The following IL1R1 variants were observed in gnomAD, a reference collection of about 807,000 sequenced individuals.
IL1R1 encodes interleukin 1 receptor type 1.
IL1R1 carries 22 observed loss-of-function variants against 50.2 expected under a neutral mutation model. That is an observed-to-expected ratio of 0.44 (90% CI 0.31 to 0.63). The LOEUF (loss-of-function observed/expected upper bound fraction) is 0.63. IL1R1 is among the 20% of genes least tolerant of loss of function. The pLI is 0.07. For synonymous variants in IL1R1, 251 were observed against 236.7 expected (o/e 1.06, Z -0.55); for missense variants, 509 against 676.2 (o/e 0.75, Z 2.74).
chr2:102,159,545 C>A (rs1239216545), intron 3 of IL1R1, among the ~76,000 whole-genome samples: 1 of 152,204 alleles, frequency 6.6e-6, no homozygotes, highest in Non-Finnish European at 1.5e-5. Flanking sequence ...TGTGTCAGAG[C>A]TTTTCAAAGC....
In IL1R1 at chr2:102,172,300, C is replaced by T. The variant is rs3917305; in HGVS notation, c.839+382C>T. On this transcript the variant is annotated intron_variant, in intron 8 of 11. Coordinates refer to ENST00000410023, the MANE Select transcript of IL1R1 (RefSeq NM_000877.4). ...AAGCCTCTACTGGTTTCCTACTGCTCATCTATGGGACAAGGATCTCCTGGC... is the reference window on the plus strand; with the variant it reads ...AAGCCTCTACTGGTTTCCTACTGCTTATCTATGGGACAAGGATCTCCTGGC... 1.3e-3 allele frequency: 1,255 copies of T among 985,278 alleles called. 16 individuals are homozygous for T. The African/African-American group carries it at 0.021, about 16-fold the overall frequency. The allele number at this position is 985,278 out of a possible 1,614,324, so 61.0% of individuals were successfully genotyped here.
At chr2:102,096,525 A>C (rs942448046) in intron 1 of IL1R1, among the ~76,000 whole-genome samples, 5 of 151,846 alleles carry the variant, frequency 3.3e-5, no homozygotes, top group Admixed American at 6.6e-5. Flanking sequence ...ATTCTGTAAA[A>C]TGCCTGTTTT....
intron 1 of IL1R1, among the ~76,000 whole-genome samples, chr2:102,148,348 G>A (rs1683339030): frequency 6.6e-6 from 1 of 152,194 alleles, no homozygotes; most frequent in African/African-American, 2.4e-5. Context: ...GTATGAGTGT[G>A]TGGGGCTCTG....
chr2:102,139,632 G>T (rs1406531353), upstream of IL1R1, among the ~76,000 whole-genome samples: 1 of 152,234 alleles, frequency 6.6e-6, no homozygotes, highest in Non-Finnish European at 1.5e-5. Context: ...CATCCCCTTG[G>T]TGATAAGCGA....
At chr2:102,150,527 G>A (rs1350704796) in intron 1 of IL1R1, among the ~76,000 whole-genome samples, 4 of 152,254 alleles carry the variant, frequency 2.6e-5, no homozygotes, top group Admixed American at 6.5e-5. Context: ...GTAACTTTGT[G>A]TGTGTGTTGC....
At chr2:102,102,653 G>A (rs899242132), upstream of IL1R1, among the ~76,000 whole-genome samples, 1 of 149,762 alleles carries the variant, frequency 6.7e-6, no homozygotes, top group Non-Finnish European at 1.5e-5. Context: ...CCATCCCATT[G>A]TTGGGTATAT....
At chr2:102,145,566 A>G (rs1683048143) in intron 1 of IL1R1, among the ~76,000 whole-genome samples, 1 of 152,224 alleles carries the variant, frequency 6.6e-6, no homozygotes, top group Non-Finnish European at 1.5e-5. Flanking sequence ...AAGAGGACTC[A>G]TGCCCACGAG....
At chr2:102,080,027 A>G (rs13396782) in intron 1 of IL1R1, among the ~76,000 whole-genome samples, 3,221 of 152,248 alleles carry the variant, frequency 0.021, 127 homozygotes, top group African/African-American at 0.073. Context: ...ACATCTGGAT[A>G]TCCACATGTG....
At position 102,094,527 on chromosome 2, in the gene IL1R1, G is replaced by T. The variant is rs191718116; in HGVS notation, c.-84+23994G>T. 2.3e-3 allele frequency among the ~76,000 whole-genome samples: 347 copies of T among 152,212 alleles called. 1 individual carries two copies. Among genetic ancestry groups the T allele is most frequent in the African/African-American group, 7.9e-3 (328 of 41,530 alleles). ...TGTCCTGTAAGTATTAGTATTTTCA[G>T]GTTTTTTCTTTTCTATGAAACGGTT... On this transcript the variant is annotated intron_variant, in intron 1 of 11. Coordinates refer to the IL1R1 transcript ENST00000409929.
At chr2:102,159,869 A>T in intron 3 of IL1R1, among the ~76,000 whole-genome samples, 1 of 152,192 alleles carries the variant, frequency 6.6e-6, no homozygotes, top group East Asian at 1.9e-4. Flanking sequence ...GAAGAGTAGG[A>T]TGGAAGTCAT....
intron 3 of IL1R1, among the ~76,000 whole-genome samples, chr2:102,164,275 C>G (rs545144680): frequency 6.6e-6 from 1 of 152,294 alleles, no homozygotes; most frequent in South Asian, 2.1e-4. Context: ...CTCCTCAACT[C>G]ACTGGGCTTT....
intron 1 of IL1R1, among the ~76,000 whole-genome samples, chr2:102,087,995 C>T (rs1335491430): frequency 6.6e-6 from 1 of 152,200 alleles, no homozygotes; most frequent in Non-Finnish European, 1.5e-5. Context: ...CTTCAGGCTC[C>T]ACTTTTAATT....
chr2:102,071,384 G>T (rs1678711875), intron 1 of IL1R1, among the ~76,000 whole-genome samples: 1 of 148,954 alleles, frequency 6.7e-6, no homozygotes, highest in South Asian at 2.1e-4. Context: ...TCTATTTGTG[G>T]CACTGTATAT....
intron 5 of IL1R1, among the ~76,000 whole-genome samples, chr2:102,165,847 T>C (rs1433962620): frequency 6.6e-6 from 1 of 152,188 alleles, no homozygotes; most frequent in Admixed American, 6.5e-5. Context: ...GTGTTAACAT[T>C]TTTTTCAAAC....
intron 11 of IL1R1, chr2:102,175,896 T>C (rs1267551869): frequency 1.7e-6 from 1 of 588,804 alleles, no homozygotes; most frequent in Non-Finnish European, 3.0e-6. Context: ...CAACAGTTGC[T>C]TTACAACTGA....
intron 1 of IL1R1, among the ~76,000 whole-genome samples, chr2:102,097,819 A>T (rs1388783445): frequency 1.3e-5 from 2 of 152,220 alleles, no homozygotes; most frequent in South Asian, 4.1e-4. Context: ...TACCTAAATG[A>T]TATTTGAGTG....
At chr2:102,175,446 G>T (rs757584575) in intron 10 of IL1R1, 32 bp from the exon 11 acceptor site, 4 of 1,562,420 alleles carry the variant, frequency 2.6e-6, no homozygotes, top group Admixed American at 3.4e-5. Context: ...TTTTTGCCTT[G>T]TGGTTCTAAA....
chr2:102,109,267 G>A (rs1446932333), intron 1 of IL1R1, among the ~76,000 whole-genome samples: 4 of 151,920 alleles, frequency 2.6e-5, no homozygotes, highest in African/African-American at 4.8e-5. Flanking sequence ...TGTTTATTTG[G>A]GTATATGACT....
At chr2:102,135,811 C>T (rs1682312718) in intron 1 of IL1R1, among the ~76,000 whole-genome samples, 1 of 152,226 alleles carries the variant, frequency 6.6e-6, no homozygotes, top group Non-Finnish European at 1.5e-5. Flanking sequence ...ATGATAGCCT[C>T]TAGCAATGTG....
Sources: allele counts gnomAD v4.1 joint callset (sites outside exome capture counted in the v4.1 genomes callset), GRCh38; gene constraint gnomAD v4.1.1; transcripts MANE v1.5; gene names NCBI Gene and HGNC (gene_info 2026-07-23, HGNC 2026-07-21).